UBE2A: variants seen among roughly 807,000 people sequenced by gnomAD.
UBE2A encodes ubiquitin conjugating enzyme E2 A, also known as ubiquitin-conjugating enzyme E2 A.
For missense variants in UBE2A, 27 were observed against 125.8 expected, an observed-to-expected ratio of 0.21 and a Z score of 3.76; for synonymous variants, 39 against 41.1, an observed-to-expected ratio of 0.95 and a Z score of 0.20.
intron 2 of UBE2A, 160 bp downstream of exon 2, chrX:119,575,141 C>G (rs1013174006): frequency 1.9e-4 from 146 of 784,770 alleles, no homozygotes; most frequent in Non-Finnish European, 2.5e-4. Context: ...TCGATTAGCT[C>G]AGTTCCCGCT....
At chrX:119,578,393 A>G (rs1282487690) in intron 3 of UBE2A, among the ~76,000 whole-genome samples, 3 of 111,859 alleles carry the variant, frequency 2.7e-5, no homozygotes, top group African/African-American at 6.5e-5. Context: ...TGTGTTCTTT[A>G]GAATTGGGGT....
intron 3 of UBE2A, chrX:119,575,811 C>T (rs1421497250): frequency 5.9e-6 from 1 of 169,002 alleles, no homozygotes. Context: ...GAGTTGTGTT[C>T]AGCAGGTGCT....
At position 119,583,527 on chromosome X, in the gene UBE2A, C is replaced by CAGTT. The variant is rs2053465819; in HGVS notation, c.*274_*277dup. ...TTGTATTTCATTTCCAGTTTTCAGG[C>CAGTT]AGTTATTTTTATTATTGTACTTTAA... On this transcript the variant is annotated 3_prime_UTR_variant, in exon 6 of 6. Transcript: ENST00000371558. 3.0e-6 allele frequency: 1 copy of CAGTT among 328,224 alleles called. No individual in the cohort carries two copies. Among genetic ancestry groups the CAGTT allele is most frequent in the African/African-American group, 2.6e-5 (1 of 37,878 alleles). 27.0% of individuals were successfully genotyped at this position (328,224 alleles called of 1,213,427 possible).
At chrX:119,579,075 GT>G (rs1419313114) in intron 3 of UBE2A, among the ~76,000 whole-genome samples, 2 of 112,220 alleles carry the variant, frequency 1.8e-5, no homozygotes, top group Admixed American at 1.9e-4. Context: ...AAAGTGTGAA[GT>G]TTTTACCCTC....
chrX:119,580,356 C>T (rs1297660278), intron 3 of UBE2A: 1 of 111,802 alleles, frequency 8.9e-6, no homozygotes, highest in Non-Finnish European at 1.9e-5. Flanking sequence ...CTTTCTTAAG[C>T]AGTGATAAAC....
intron 3 of UBE2A, among the ~76,000 whole-genome samples, chrX:119,576,563 A>C (rs1387110836): frequency 8.9e-6 from 1 of 111,880 alleles, no homozygotes; most frequent in Non-Finnish European, 1.9e-5. Context: ...ACATTTCTGC[A>C]AACTACTTAA....
At chrX:119,582,069 C>T (rs1215473780) in intron 4 of UBE2A, among the ~76,000 whole-genome samples, 1 of 112,440 alleles carries the variant, frequency 8.9e-6, no homozygotes, top group Non-Finnish European at 1.9e-5. Context: ...AGAAAAGCAC[C>T]ACAGGTGATT....
intron 3 of UBE2A, among the ~76,000 whole-genome samples, chrX:119,578,872 A>G (rs747668105): frequency 1.2e-4 from 13 of 112,227 alleles, no homozygotes; most frequent in African/African-American, 3.9e-4. Context: ...ATTAGTATAC[A>G]TTATGTACAA....
intron 2 of UBE2A, 86 bp downstream of exon 2, chrX:119,575,067 C>A: frequency 9.0e-7 from 1 of 1,111,772 alleles, no homozygotes; most frequent in Non-Finnish European, 1.2e-6. Flanking sequence ...CCCGCGGAGG[C>A]CGAGCGGGTA....
At chrX:119,581,314 G>A in intron 3 of UBE2A, 193 bp from the exon 4 acceptor site, 1 of 325,554 alleles carries the variant, frequency 3.1e-6, no homozygotes. Context: ...GGAAAATAAT[G>A]GCAAAACAAA....
chrX:119,582,766 C>A, intron 5 of UBE2A, 90 bp downstream of exon 5: 1 of 782,896 alleles, frequency 1.3e-6, no homozygotes, highest in East Asian at 3.4e-5. Flanking sequence ...TGTAATAGAT[C>A]TTTTTATTTT....
chrX:119,576,391 A>T (rs1023420579), intron 3 of UBE2A, among the ~76,000 whole-genome samples: 2 of 111,046 alleles, frequency 1.8e-5, no homozygotes, highest in African/African-American at 6.6e-5. Context: ...TTAAAGGATG[A>T]TTAAAGTATT....
intron 2 of UBE2A, 167 bp downstream of exon 2, chrX:119,575,148 C>T (rs1170203552): frequency 2.6e-6 from 2 of 774,385 alleles, no homozygotes; most frequent in Non-Finnish European, 3.8e-6. Context: ...GCTCAGTTCC[C>T]GCTGCCAGGG....
chrX:119,583,004 C>G lies in UBE2A; in HGVS notation c.331-123C>G. ...TAGCTACTAGCAGATTCACATAACT[C>G]TGGGTTTGTATGCTAAAGACAAGAA... On this transcript the variant is annotated intron_variant, in intron 5 of 5. Coordinates refer to ENST00000371558, the MANE Select transcript of UBE2A (RefSeq NM_003336.4). 8.8e-6 allele frequency: 8 copies of G among 906,431 alleles called. No individual in the cohort carries two copies. In the South Asian group the frequency reaches 1.5e-4, roughly 17 times the overall value. 74.7% of individuals were successfully genotyped at this position (906,431 alleles called of 1,213,427 possible). A position where few individuals can be genotyped will look rare whatever the true frequency, so the allele number is the denominator to read the frequency against.
At chrX:119,574,874 G>A (rs28716292) in intron 1 of UBE2A, 27 bp from the exon 2 acceptor site, 59 of 1,209,816 alleles carry the variant, frequency 4.9e-5, no homozygotes, top group Non-Finnish European at 2.2e-6. Flanking sequence ...TGCCGGCCTA[G>A]GGGGACCCCT....
chrX:119,575,261 T>G (rs1172274501), intron 2 of UBE2A, 114 bp from the exon 3 acceptor site: 6 of 1,089,318 alleles, frequency 5.5e-6, no homozygotes, highest in Non-Finnish European at 7.6e-6. Flanking sequence ...TTGTAGTGGC[T>G]TCCGACCCCG....
chrX:119,580,979 T>G (rs905636591), intron 3 of UBE2A: 3 of 112,392 alleles, frequency 2.7e-5, no homozygotes, highest in Non-Finnish European at 5.6e-5. Flanking sequence ...AAGTTTTCAT[T>G]ATAGGGTCAC....
chrX:119,579,051 G>T (rs1408297585), intron 3 of UBE2A, among the ~76,000 whole-genome samples: 2 of 112,186 alleles, frequency 1.8e-5, no homozygotes, highest in African/African-American at 6.5e-5. Context: ...AACAGGTTCT[G>T]ATTAGTGTGA....
At chrX:119,576,893 A>G (rs1292719846) in intron 3 of UBE2A, 1 of 112,349 alleles carries the variant, frequency 8.9e-6, no homozygotes, top group Admixed American at 9.4e-5. Context: ...TTCTTCTACC[A>G]GATTGGCACT....
Sources: gnomAD v4.1 joint callset for allele counts (sites outside exome capture counted in the v4.1 genomes callset) on GRCh38, gnomAD v4.1.1 for gene constraint, MANE v1.5 for transcripts, NCBI Gene and HGNC (gene_info 2026-07-23, HGNC 2026-07-21) for gene names.